The following UQCC1 variants were observed in gnomAD, a reference collection of about 807,000 sequenced individuals.
UQCC1 encodes ubiquinol-cytochrome c reductase complex assembly factor 1.
A neutral mutation model predicts 48.0 loss-of-function variants in UQCC1; 38 were observed. The observed-to-expected ratio is 0.79, with a 90% CI of 0.61 to 1.04. The LOEUF (loss-of-function observed/expected upper bound fraction) is 1.04, where lower values mean the gene tolerates loss of function less well. UQCC1 is among the 50% of genes least tolerant of loss of function. UQCC1 has a pLI of 0.00. For synonymous variants in UQCC1, 111 were observed against 129.2 expected (o/e 0.86, Z 0.95); for missense variants, 368 against 381.8 (o/e 0.96, Z 0.30).
intron 7 of UQCC1, among the ~76,000 whole-genome samples, chr20:35,317,698 C>A (rs950413247): frequency 6.6e-6 from 1 of 152,348 alleles, no homozygotes; most frequent in Non-Finnish European, 1.5e-5. Flanking sequence ...GCACCCCCAT[C>A]ATCTGGTCCA....
At position 35,347,204 on chromosome 20, in the gene UQCC1, A is replaced by C. The variant is rs2061440721; in HGVS notation, c.533T>G (p.Phe178Cys). The C allele has an allele frequency of 6.2e-7, 1 of 1,613,968 alleles. No individual in the cohort carries two copies. The highest frequency in any genetic ancestry group is 8.5e-7 in the Non-Finnish European group (1 of 1,180,026). Residue 178 changes from phenylalanine to cysteine, a missense_variant, in exon 7 of 10, where the codon TTT becomes TGT. Phe to Cys is a radical substitution (Grantham distance 205). Coordinates refer to ENST00000374385, the MANE Select transcript of UQCC1 (RefSeq NM_018244.5). ...GCGCTGCTGAACATCCTCCCACATA[A>C]AATGAACTATGATACGACACATGTA... ...GKYMCRIIVH[F>C]MWEDVQQRGR...
intron 7 of UQCC1, among the ~76,000 whole-genome samples, chr20:35,315,669 G>A (rs1455898427): frequency 1.3e-5 from 2 of 152,124 alleles, no homozygotes; most frequent in African/African-American, 4.8e-5. Context: ...CAGGCAGATC[G>A]CTTGAGCCCA....
Position 35,346,678 on chromosome 20 carries a change from T to C in UQCC1, c.573+486A>G, listed in dbSNP as rs563831224. ...AGGTTAATTATTAAATGTACTAATG[T>C]ACATTTTCAGGAGGTATCTTACCAG... is the stretch of plus-strand genomic sequence containing the variant. On this transcript the variant is annotated intron_variant, in intron 7 of 9. Transcript: ENST00000374385. 16 of 215,400 alleles carry C rather than the reference T, an allele frequency of 7.4e-5. No individual in the cohort carries two copies. In the East Asian group the frequency reaches 1.2e-3, roughly 17 times the overall value. The allele number at this position is 215,400 out of a possible 1,614,324, so 13.3% of individuals were successfully genotyped here. A position where few individuals can be genotyped will look rare whatever the true frequency, so the allele number is the denominator to read the frequency against.
intron 2 of UQCC1, among the ~76,000 whole-genome samples, chr20:35,390,843 ACAT>A (rs920826120): frequency 6.6e-6 from 1 of 152,194 alleles, no homozygotes; most frequent in Non-Finnish European, 1.5e-5. Flanking sequence ...GAAGGGAATA[ACAT>A]CATTTTTGCC....
Position 35,370,932 on chromosome 20 carries a change from G to A in UQCC1, c.406+3252C>T, listed in dbSNP as rs554984575. On this transcript the variant is annotated intron_variant, in intron 5 of 9. Transcript: ENST00000374385. Reference sequence around the variant, plus strand: ...GGCTTGGCTAGGCAACCCTGGGTGAGTCACTTAGCCCCTTTGAGCCTCAAC... The same window carrying A: ...GGCTTGGCTAGGCAACCCTGGGTGAATCACTTAGCCCCTTTGAGCCTCAAC... 1.8e-4 allele frequency among the ~76,000 whole-genome samples: 28 copies of A among 152,314 alleles called. 1 individual carries two copies. The highest frequency in any genetic ancestry group is 6.5e-4 in the African/African-American group (27 of 41,574).
At chr20:35,314,598 T>G in intron 8 of UQCC1, 90 bp downstream of exon 8, 2 of 1,041,386 alleles carry the variant, frequency 1.9e-6, no homozygotes, top group Admixed American at 2.0e-5. Flanking sequence ...CCAGTAACAA[T>G]GGTCCCTGTG....
At chr20:35,332,767 G>A (rs2061270823) in intron 7 of UQCC1, among the ~76,000 whole-genome samples, 1 of 152,248 alleles carries the variant, frequency 6.6e-6, no homozygotes. Flanking sequence ...ACATAAGACA[G>A]ATGCGAGAAA....
At chr20:35,399,148 T>C (rs1271845062) in intron 1 of UQCC1, among the ~76,000 whole-genome samples, 3 of 152,148 alleles carry the variant, frequency 2.0e-5, no homozygotes, top group Admixed American at 2.0e-4. Context: ...CCCAGGAACA[T>C]TCCTAAAAGC....
At chr20:35,359,589 T>C (rs2061583826) in intron 6 of UQCC1, among the ~76,000 whole-genome samples, 1 of 152,148 alleles carries the variant, frequency 6.6e-6, no homozygotes, top group African/African-American at 2.4e-5. Context: ...ACAATGCCAG[T>C]TGTGTTTTGG....
At chr20:35,383,364 A>G (rs778483466) in intron 3 of UQCC1, among the ~76,000 whole-genome samples, 1 of 152,214 alleles carries the variant, frequency 6.6e-6, no homozygotes, top group Non-Finnish European at 1.5e-5. Context: ...TTTTCCAGAC[A>G]CAACAATGGA....
intron 5 of UQCC1, among the ~76,000 whole-genome samples, chr20:35,373,687 C>CAAAA (rs5841203): frequency 5.8e-5 from 5 of 86,302 alleles, no homozygotes; most frequent in Non-Finnish European, 9.3e-5. Flanking sequence ...GACTCCATCT[C>CAAAA]AAAAAAAAAA....
intron 1 of UQCC1, among the ~76,000 whole-genome samples, 162 bp from the exon 2 acceptor site, chr20:35,394,358 GA>G (rs2146515637): frequency 6.6e-6 from 1 of 152,258 alleles, no homozygotes; most frequent in Non-Finnish European, 1.5e-5. Flanking sequence ...ATTTCTGAGT[GA>G]GGGGGGTGTC....
At chr20:35,347,117 C>T (rs775005578) in intron 7 of UQCC1, 47 bp downstream of exon 7, 1 of 1,614,150 alleles carries the variant, frequency 6.2e-7, no homozygotes. Flanking sequence ...AAACTCAAAC[C>T]CTTCTCTGGA....
At chr20:35,376,247 G>T (rs2061798223) in intron 4 of UQCC1, among the ~76,000 whole-genome samples, 1 of 152,008 alleles carries the variant, frequency 6.6e-6, no homozygotes, top group South Asian at 2.1e-4. Context: ...GGGAGAGGAT[G>T]CAGTGAGCCG....
chr20:35,370,860 T>C (rs192831203), intron 5 of UQCC1, among the ~76,000 whole-genome samples: 2 of 152,346 alleles, frequency 1.3e-5, no homozygotes, highest in East Asian at 1.9e-4. Flanking sequence ...GACAATATGT[T>C]ATAGTGGAGA....
intron 7 of UQCC1, among the ~76,000 whole-genome samples, chr20:35,336,308 C>T (rs1300214907): frequency 6.6e-6 from 1 of 152,114 alleles, no homozygotes; most frequent in Non-Finnish European, 1.5e-5. Context: ...TATCCATGTC[C>T]CAGTTCCTGG....
At chr20:35,334,555 G>A (rs544243334) in intron 7 of UQCC1, among the ~76,000 whole-genome samples, 3 of 152,220 alleles carry the variant, frequency 2.0e-5, no homozygotes, top group Non-Finnish European at 2.9e-5. Flanking sequence ...AGCCTGTCTC[G>A]AGACTCTGGG....
rs34493303 is a variant in UQCC1, at chr20:35,409,812, CTT to C, written c.24+2126_24+2127del. Among the ~76,000 whole-genome samples the C allele has an allele frequency of 8.5e-4, 127 of 150,096 alleles. No homozygotes were observed. The Middle Eastern group carries it at 0.01, about 12-fold the overall frequency. On this transcript the variant is annotated intron_variant, in intron 1 of 9. Transcript: ENST00000374385. ...TAACAAGAATGTTTCAGGAATACTT[CTT>C]TTTTTTTTTCAGACAGAGTTTCACT...
At chr20:35,330,401 G>A (rs1412067605) in intron 7 of UQCC1, among the ~76,000 whole-genome samples, 3 of 152,172 alleles carry the variant, frequency 2.0e-5, no homozygotes, top group East Asian at 1.9e-4. Context: ...GGAGCTTGGC[G>A]GCCACTGAAA....
Sources: allele counts gnomAD v4.1 joint callset (sites outside exome capture counted in the v4.1 genomes callset), GRCh38; gene constraint gnomAD v4.1.1; transcripts MANE v1.5; gene names NCBI Gene and HGNC (gene_info 2026-07-23, HGNC 2026-07-21).